MAN1C1: variants seen among roughly 807,000 people sequenced by gnomAD.
MAN1C1 encodes mannosyl-oligosaccharide 1,2-alpha-mannosidase IC.
In MAN1C1, 49 loss-of-function variants were observed where a neutral mutation model predicts 71.5. The observed-to-expected ratio is 0.69, with a 90% CI of 0.54 to 0.87. The LOEUF (loss-of-function observed/expected upper bound fraction) is 0.87, where lower values mean the gene tolerates loss of function less well. Ranked by LOEUF, MAN1C1 falls within the 40% of genes least tolerant of loss-of-function variation. The pLI, the probability that MAN1C1 is intolerant of heterozygous loss-of-function variation, is 0.00. For missense variants in MAN1C1, 743 were observed against 835.0 expected, an observed-to-expected ratio of 0.89 and a Z score of 1.36; for synonymous variants, 352 against 343.7, an observed-to-expected ratio of 1.02 and a Z score of -0.27.
intron 2 of MAN1C1, among the ~76,000 whole-genome samples, chr1:25,737,487 G>A (rs1017619171): frequency 6.6e-6 from 1 of 152,206 alleles, no homozygotes; most frequent in Non-Finnish European, 1.5e-5. Flanking sequence ...TAAAGTGTTG[G>A]AGAGCCCCAA....
In MAN1C1 at chr1:25,618,092, TGGG is replaced by T; in HGVS notation, c.296_298del (p.Trp99_Ala100delinsSer). 6 of 1,518,604 alleles carry T rather than the reference TGGG, an allele frequency of 4.0e-6. No homozygotes were observed. Among genetic ancestry groups the T allele is most frequent in the Non-Finnish European group, 5.3e-6 (6 of 1,140,420 alleles). The allele number at this position is 1,518,604 out of a possible 1,614,324, so 94.1% of individuals were successfully genotyped here. ...CCCGGGCGAGGATGACCCCAGCAGC[TGGG>T]CCAGTCCCCGCCGCAGGAAAGGGGG... On this transcript the variant is annotated inframe_deletion, in exon 1 of 12. Transcript: ENST00000374332.
intron 10 of MAN1C1, among the ~76,000 whole-genome samples, chr1:25,781,830 G>A (rs987206507): frequency 6.6e-6 from 1 of 152,112 alleles, no homozygotes; most frequent in Non-Finnish European, 1.5e-5. Context: ...CAAGCGTCTT[G>A]TGCTCCTATG....
intron 2 of MAN1C1, among the ~76,000 whole-genome samples, chr1:25,727,195 T>C (rs1330649216): frequency 6.6e-6 from 1 of 152,162 alleles, no homozygotes. Context: ...TAGGCACTAG[T>C]CATTTAAATT....
chr1:25,773,034 A>G (rs1052340499), intron 8 of MAN1C1, among the ~76,000 whole-genome samples: 5 of 152,172 alleles, frequency 3.3e-5, no homozygotes, highest in Non-Finnish European at 7.3e-5. Flanking sequence ...CTTCACCTTC[A>G]TCAGCCTCTA....
chr1:25,758,480 G>A (rs1236337155), intron 5 of MAN1C1, 112 bp from the exon 6 acceptor site: 2 of 864,508 alleles, frequency 2.3e-6, no homozygotes, highest in Admixed American at 3.6e-5. Flanking sequence ...AAAGCTCCTG[G>A]TTCCATGCCT....
intron 1 of MAN1C1, among the ~76,000 whole-genome samples, chr1:25,627,334 TGCGGTGGTGTGATCTCA>T (rs2045312638): frequency 6.6e-6 from 1 of 152,176 alleles, no homozygotes; most frequent in African/African-American, 2.4e-5. Flanking sequence ...CAGGCTGGAG[TGCGGTGGTGTGATCTCA>T]GCTCACTCCA....
intron 1 of MAN1C1, among the ~76,000 whole-genome samples, chr1:25,649,888 T>G (rs898749415): frequency 6.6e-6 from 1 of 152,194 alleles, no homozygotes; most frequent in Admixed American, 6.5e-5. Flanking sequence ...TCCGTCTGTC[T>G]CAGCCTCCCA....
At chr1:25,672,066 C>A (rs908198385) in intron 1 of MAN1C1, among the ~76,000 whole-genome samples, 1 of 152,244 alleles carries the variant, frequency 6.6e-6, no homozygotes, top group Non-Finnish European at 1.5e-5. Context: ...GGGAAGCCAG[C>A]AGCCTAACTC....
intron 2 of MAN1C1, among the ~76,000 whole-genome samples, chr1:25,690,286 C>G (rs963313433): frequency 1.4e-4 from 19 of 139,716 alleles, no homozygotes; most frequent in African/African-American, 4.4e-4. Flanking sequence ...TGATCTCTGC[C>G]TCTTTTTTTT....
intron 1 of MAN1C1, among the ~76,000 whole-genome samples, chr1:25,620,083 G>C (rs1022451826): frequency 2.0e-5 from 3 of 152,210 alleles, no homozygotes; most frequent in Non-Finnish European, 2.9e-5. Flanking sequence ...TGGCTAGTAG[G>C]GAACTTGATT....
At chr1:25,664,820 C>T (rs1408331439) in intron 1 of MAN1C1, among the ~76,000 whole-genome samples, 1 of 152,204 alleles carries the variant, frequency 6.6e-6, no homozygotes, top group Non-Finnish European at 1.5e-5. Context: ...TATAAGGAGG[C>T]AATTATCTCA....
intron 2 of MAN1C1, among the ~76,000 whole-genome samples, chr1:25,692,151 G>C (rs1308471438): frequency 6.6e-6 from 1 of 152,212 alleles, no homozygotes; most frequent in Non-Finnish European, 1.5e-5. Flanking sequence ...GGTGTCCTGA[G>C]TCTCAGTGCA....
rs572490247 is a variant in MAN1C1, at chr1:25,746,800, C to T, written c.753+17C>T. ...CTGAACGTGGTGAGTCAGAGGCCCT[C>T]GGCGGGGGAGGGGGGCGGGGGCCAG... On this transcript the variant is annotated intron_variant, in intron 3 of 11. Transcript: ENST00000374332. The surrounding 1 kb of genome is among the most constrained non-coding windows in gnomAD (Gnocchi z 4.0). 9 of 752,030 alleles carry T rather than the reference C, an allele frequency of 1.2e-5. No individual in the cohort carries two copies. Among genetic ancestry groups the T allele is most frequent in the African/African-American group, 4.3e-5 (2 of 46,376 alleles). The allele number at this position is 752,030 out of a possible 1,614,324, so 46.6% of individuals were successfully genotyped here. A position where few individuals can be genotyped will look rare whatever the true frequency, so the allele number is the denominator to read the frequency against.
chr1:25,734,765 C>T (rs986162693), intron 2 of MAN1C1, among the ~76,000 whole-genome samples: 5 of 152,308 alleles, frequency 3.3e-5, no homozygotes, highest in South Asian at 4.1e-4. Flanking sequence ...TCTGTGTAGG[C>T]TTAAATCAAC....
At chr1:25,693,055 T>G (rs2046328335) in intron 2 of MAN1C1, among the ~76,000 whole-genome samples, 2 of 152,202 alleles carry the variant, frequency 1.3e-5, no homozygotes, top group Admixed American at 6.5e-5. Flanking sequence ...TCCCAGAAAC[T>G]TAACTGCTTA....
chr1:25,767,610 A>G, intron 7 of MAN1C1, among the ~76,000 whole-genome samples: 1 of 112,546 alleles, frequency 8.9e-6, no homozygotes, highest in African/African-American at 3.6e-5. Flanking sequence ...ACCCTCACAT[A>G]CATCCACACT....
Position 25,746,933 on chromosome 1 carries a change from C to G in MAN1C1, c.753+150C>G. 1.6e-6 allele frequency: 1 copy of G among 624,742 alleles called. No individual in the cohort carries two copies. The highest frequency in any genetic ancestry group is 2.8e-6 in the Non-Finnish European group (1 of 352,544). The allele number at this position is 624,742 out of a possible 1,614,324, so 38.7% of individuals were successfully genotyped here. On this transcript the variant is annotated intron_variant, in intron 3 of 11. Coordinates refer to ENST00000374332, the MANE Select transcript of MAN1C1 (RefSeq NM_020379.4). This position sits in a 1 kb window ranked among gnomAD's most constrained non-coding sequence, Gnocchi z 4.0. ...CAGTCTCGGAACCGGAGCTGCCGTG[C>G]AGTCTGTGCTGAGTCCCTTCCTTAA...
chr1:25,761,937 C>T (rs768093618), intron 6 of MAN1C1, among the ~76,000 whole-genome samples: 137 of 151,814 alleles, frequency 9.0e-4, no homozygotes, highest in Non-Finnish European at 1.6e-3. Context: ...CTCTCCACTT[C>T]CATGAGTTCA....
Position 25,746,195 on chromosome 1 carries a change from C to T in MAN1C1, c.638-473C>T, listed in dbSNP as rs2124336233. Among the ~76,000 whole-genome samples, 1 of 152,298 alleles carries T rather than the reference C, an allele frequency of 6.6e-6. No individual in the cohort carries two copies. The highest frequency in any genetic ancestry group is 6.5e-5 in the Admixed American group (1 of 15,294). On this transcript the variant is annotated intron_variant, in intron 2 of 11. Transcript: ENST00000374332. The surrounding 1 kb of genome is among the most constrained non-coding windows in gnomAD (Gnocchi z 4.0). ...TGGTGGACACCTGTGGTCCCAGCTA[C>T]TTGGGAGGCTGAGGTGGGAGAATCG... is the stretch of plus-strand genomic sequence containing the variant.
Sources: allele counts gnomAD v4.1 joint callset (sites outside exome capture counted in the v4.1 genomes callset), GRCh38; gene constraint gnomAD v4.1.1; non-coding constraint Gnocchi (gnomAD v3.1); transcripts MANE v1.5; gene names NCBI Gene and HGNC (gene_info 2026-07-23, HGNC 2026-07-21).